Variants in USH2A observed in about 807,000 individuals in gnomAD.
The protein encoded by USH2A is usherin, also known as Usher syndrome 2A (autosomal recessive, mild).
In USH2A, 443 loss-of-function variants were observed where a neutral mutation model predicts 538.9. The observed-to-expected ratio is 0.82, with a 90% CI of 0.76 to 0.89. The LOEUF is 0.89. Among genes scored for constraint, USH2A ranks in the 40% least tolerant of loss-of-function variants. The pLI is 0.00. For missense variants in USH2A, 6,633 were observed against 6,324.8 expected (o/e 1.05, Z -1.65); for synonymous variants, 2,413 against 2,273.5 (o/e 1.06, Z -1.75).
intron 3 of USH2A, among the ~76,000 whole-genome samples, chr1:216,397,604 G>T (rs1352583041): frequency 6.6e-6 from 1 of 152,182 alleles, no homozygotes; most frequent in Admixed American, 6.5e-5. Context: ...CTCTTCCAGT[G>T]CAGAATGCCC....
rs150454271 is a variant in USH2A at position 215,905,262 on chromosome 1, T to C, written c.7301-4357A>G. Among the ~76,000 whole-genome samples the C allele has an allele frequency of 4.3e-3, 654 of 152,204 alleles. 7 individuals carry two copies. Among genetic ancestry groups the C allele is most frequent in the African/African-American group, 0.015 (619 of 41,546 alleles). On this transcript the variant is annotated intron_variant, in intron 38 of 71. Coordinates refer to ENST00000307340, the MANE Select transcript of USH2A (RefSeq NM_206933.4). Reference sequence around the variant, plus strand: ...TGCTTTCCATATGCACTGAATTCTTTCTCAGGACATCCCACCAACATGTTA... The same window carrying C: ...TGCTTTCCATATGCACTGAATTCTTCCTCAGGACATCCCACCAACATGTTA...
chr1:216,398,985 G>C (rs1012279718), intron 3 of USH2A, among the ~76,000 whole-genome samples: 1 of 152,162 alleles, frequency 6.6e-6, no homozygotes, highest in African/African-American at 2.4e-5. Flanking sequence ...TCCCCTGTCT[G>C]AAAGGAGTCA....
Position 215,845,849 on chromosome 1 carries a change from T to A in USH2A, c.9030A>T (p.Gly3010=). The change falls in exon 45 of 72, where the codon GGA becomes GGT. Residue 3010 remains glycine (G), a synonymous_variant. Coordinates refer to ENST00000307340, the MANE Select transcript of USH2A (RefSeq NM_206933.4). ...CCCCATCGCAAGTGGTTGCATGAAG[T>A]CCTGCACTGTTGATGCTGTGGACTC... The part of the protein sequence containing the change: ...FNGVHSINSA[G]LHATTCDGEP... 6.2e-7 allele frequency: 1 copy of A among 1,613,840 alleles called. No individual in the cohort carries two copies. Among genetic ancestry groups the A allele is most frequent in the Admixed American group, 1.7e-5 (1 of 59,918 alleles).
chr1:216,097,309 T>A, intron 21 of USH2A, 96 bp from the exon 22 acceptor site: 4 of 1,598,152 alleles, frequency 2.5e-6, no homozygotes, highest in Non-Finnish European at 3.4e-6. Context: ...TATGATGTAG[T>A]GAGTACAGTC....
intron 21 of USH2A, among the ~76,000 whole-genome samples, chr1:216,108,530 C>G (rs2032791361): frequency 6.6e-6 from 1 of 151,830 alleles, no homozygotes. Flanking sequence ...TATTTAGCAA[C>G]AGTTATTTCT....
chr1:215,754,552 C>T (rs1450077410), intron 58 of USH2A, among the ~76,000 whole-genome samples: 1 of 151,832 alleles, frequency 6.6e-6, no homozygotes, highest in Non-Finnish European at 1.5e-5. Flanking sequence ...ACAATTTAGC[C>T]AGTATTTTGG....
intron 35 of USH2A, among the ~76,000 whole-genome samples, chr1:215,971,565 G>A (rs887149892): frequency 6.6e-6 from 1 of 151,968 alleles, no homozygotes. Context: ...AGACCAGCCT[G>A]GGCAACATAG....
chr1:216,263,622 A>G (rs2036417125), intron 11 of USH2A, among the ~76,000 whole-genome samples: 1 of 152,180 alleles, frequency 6.6e-6, no homozygotes, highest in Non-Finnish European at 1.5e-5. Flanking sequence ...ATGTACCTCA[A>G]TAATAAAGGC....
chr1:215,737,263 A>G (rs1337823593), intron 60 of USH2A, among the ~76,000 whole-genome samples: 1 of 151,990 alleles, frequency 6.6e-6, no homozygotes, highest in East Asian at 1.9e-4. Context: ...TTAATATATT[A>G]AAATTAATAG....
rs190086861 is a variant in USH2A at position 216,383,772 on chromosome 1, T to C, written c.652-18687A>G. 2.7e-3 allele frequency among the ~76,000 whole-genome samples: 413 copies of C among 152,184 alleles called. 1 individual carries two copies. The highest frequency in any genetic ancestry group is 9.3e-3 in the African/African-American group (388 of 41,528). ...GGCTCACAGCCTTGACCTCCCAGGC[T>C]CAGAAGATCTTCCCATCTTAGCCTT... On this transcript the variant is annotated intron_variant, in intron 3 of 71. Transcript: ENST00000307340.
chr1:216,414,408 A>G (rs1220796330), intron 3 of USH2A, among the ~76,000 whole-genome samples: 1 of 152,114 alleles, frequency 6.6e-6, no homozygotes, highest in African/African-American at 2.4e-5. Flanking sequence ...CCATAGCAAT[A>G]TTGAGCATAT....
chr1:216,225,553 C>A (rs1297947800), intron 14 of USH2A, among the ~76,000 whole-genome samples: 2 of 152,090 alleles, frequency 1.3e-5, no homozygotes, highest in Admixed American at 6.6e-5. Context: ...AAGCTTTATT[C>A]TTTCTATTCT....
chr1:216,070,030 GA>G (rs1317438168), intron 30 of USH2A, 70 bp downstream of exon 30: 3 of 1,545,612 alleles, frequency 1.9e-6, no homozygotes, highest in African/African-American at 2.7e-5. Context: ...AACATTTGCA[GA>G]AGATTTTTAT....
At chr1:216,077,937 A>T in intron 27 of USH2A, 152 bp downstream of exon 27, 1 of 912,084 alleles carries the variant, frequency 1.1e-6, no homozygotes, top group Non-Finnish European at 1.7e-6. Context: ...TGTTTTCATT[A>T]GTTTTTAAGG....
At chr1:216,418,050 A>C (rs1329229019) in intron 3 of USH2A, among the ~76,000 whole-genome samples, 17 of 152,110 alleles carry the variant, frequency 1.1e-4, no homozygotes, top group Admixed American at 1.1e-3. Context: ...TCAAGTGTAA[A>C]GTTCATTAGT....
chr1:215,972,805 G>A (rs969894866), intron 35 of USH2A, among the ~76,000 whole-genome samples: 1 of 152,046 alleles, frequency 6.6e-6, no homozygotes, highest in African/African-American at 2.4e-5. Flanking sequence ...AAAAGATGTG[G>A]CTGCCAGTAT....
At chr1:216,174,229 G>A (rs911721962) in intron 21 of USH2A, 83 of 985,014 alleles carry the variant, frequency 8.4e-5, no homozygotes, top group Non-Finnish European at 9.6e-5. Flanking sequence ...ATATTTTAAA[G>A]ACTAGCTATT....
chr1:216,136,949 T>C (rs1401708657), intron 21 of USH2A, among the ~76,000 whole-genome samples: 1 of 152,158 alleles, frequency 6.6e-6, no homozygotes, highest in Non-Finnish European at 1.5e-5. Flanking sequence ...TGTGAGACAA[T>C]AAACTTCTAT....
chr1:215,732,990 G>T (rs1660050216), intron 60 of USH2A, among the ~76,000 whole-genome samples: 1 of 151,818 alleles, frequency 6.6e-6, no homozygotes. Flanking sequence ...TTTGTATTAG[G>T]CTCCTTTTGC....
Sources: gnomAD v4.1 joint callset for allele counts (sites outside exome capture counted in the v4.1 genomes callset) on GRCh38, gnomAD v4.1.1 for gene constraint, MANE v1.5 for transcripts, NCBI Gene and HGNC (gene_info 2026-07-23, HGNC 2026-07-21) for gene names.